CNTNAP2: variants seen among roughly 807,000 people sequenced by gnomAD.
The protein encoded by CNTNAP2 is contactin-associated protein-like 2.
In CNTNAP2, 98 loss-of-function variants were observed where a neutral mutation model predicts 155.2. The observed-to-expected ratio is 0.63, with a 90% CI of 0.54 to 0.75. CNTNAP2 has a LOEUF of 0.75. CNTNAP2 is among the 30% of genes least tolerant of loss of function. The pLI is 0.00. For synonymous variants in CNTNAP2, 651 were observed against 631.2 expected (o/e 1.03, Z -0.47); for missense variants, 1,727 against 1,688.1 (o/e 1.02, Z -0.40).
intron 3 of CNTNAP2, among the ~76,000 whole-genome samples, chr7:146,938,318 C>T (rs1796968272): frequency 6.6e-6 from 1 of 151,602 alleles, no homozygotes; most frequent in Non-Finnish European, 1.5e-5. Flanking sequence ...AGATACAGCG[C>T]TTTATATGTG....
At chr7:146,268,910 A>G (rs1800036233) in intron 1 of CNTNAP2, among the ~76,000 whole-genome samples, 1 of 152,238 alleles carries the variant, frequency 6.6e-6, no homozygotes, top group African/African-American at 2.4e-5. Flanking sequence ...TACACTGGAA[A>G]CAATAGCTGT....
In CNTNAP2 at chr7:146,509,711, G is replaced by A. The variant is rs184683930; in HGVS notation, c.98-264560G>A. 2.8e-4 allele frequency among the ~76,000 whole-genome samples: 43 copies of A among 152,140 alleles called. No homozygotes were observed. The South Asian group carries it at 6.6e-3, about 23-fold the overall frequency. ...ATTCTCACTCCAACCTGTGTACGTC[G>A]GCCTTCAGGCTCTCTGCTTGTGCCT... On this transcript the variant is annotated intron_variant, in intron 1 of 23. Transcript: ENST00000361727.
chr7:147,958,904 T>C (rs1364983502), intron 14 of CNTNAP2, among the ~76,000 whole-genome samples: 1 of 152,248 alleles, frequency 6.6e-6, no homozygotes, highest in South Asian at 2.1e-4. Context: ...TTGCAGTAAG[T>C]GTAGGGTGGA....
chr7:146,881,418 A>G (rs1309882646), intron 3 of CNTNAP2, among the ~76,000 whole-genome samples: 1 of 152,148 alleles, frequency 6.6e-6, no homozygotes, highest in African/African-American at 2.4e-5. Flanking sequence ...CCCAGACATC[A>G]TAAGAAGTCC....
intron 21 of CNTNAP2, among the ~76,000 whole-genome samples, chr7:148,280,937 A>T (rs1254290997): frequency 6.6e-6 from 1 of 151,760 alleles, no homozygotes; most frequent in Non-Finnish European, 1.5e-5. Flanking sequence ...AAGAAAAAAG[A>T]AAAGGAAAAG....
intron 11 of CNTNAP2, among the ~76,000 whole-genome samples, chr7:147,491,550 C>G (rs928340846): frequency 6.6e-6 from 1 of 152,234 alleles, no homozygotes. Context: ...CTCCACTGGT[C>G]TCTGCATCTC....
intron 1 of CNTNAP2, among the ~76,000 whole-genome samples, chr7:146,285,978 CTGTGTGTGTG>C (rs540809295): frequency 5.9e-5 from 2 of 33,698 alleles, no homozygotes; most frequent in Non-Finnish European, 9.4e-5. Flanking sequence ...CCTTCCTTCT[CTGTGTGTGTG>C]TGTGTGTGTG....
chr7:146,799,993 A>G (rs867801172), intron 2 of CNTNAP2, among the ~76,000 whole-genome samples: 5 of 152,000 alleles, frequency 3.3e-5, no homozygotes, highest in Admixed American at 1.3e-4. Context: ...ATGAAAATAT[A>G]TAATAACATA....
chr7:146,164,774 C>T (rs903497409), intron 1 of CNTNAP2, among the ~76,000 whole-genome samples: 1 of 151,986 alleles, frequency 6.6e-6, no homozygotes, highest in East Asian at 1.9e-4. Flanking sequence ...ATGCGTCATA[C>T]ATTTTAAACG....
At chr7:147,935,879 G>A (rs1800598328) in intron 14 of CNTNAP2, among the ~76,000 whole-genome samples, 1 of 152,112 alleles carries the variant, frequency 6.6e-6, no homozygotes, top group Admixed American at 6.5e-5. Flanking sequence ...ATGTTTATCT[G>A]GAAATAATGT....
chr7:147,571,897 CA>C (rs1469945392), intron 12 of CNTNAP2, among the ~76,000 whole-genome samples: 2 of 152,182 alleles, frequency 1.3e-5, no homozygotes, highest in Non-Finnish European at 2.9e-5. Flanking sequence ...ATGGTTAACC[CA>C]CTCAGAGAAT....
At chr7:147,067,285 G>A (rs866534575) in intron 4 of CNTNAP2, among the ~76,000 whole-genome samples, 126 of 72,618 alleles carry the variant, frequency 1.7e-3, no homozygotes, top group African/African-American at 6.4e-3. Flanking sequence ...GTGAGACTCC[G>A]TCTCAAAAAA....
At chr7:147,664,221 T>C (rs1239884671) in intron 13 of CNTNAP2, among the ~76,000 whole-genome samples, 1 of 152,228 alleles carries the variant, frequency 6.6e-6, no homozygotes, top group Non-Finnish European at 1.5e-5. Context: ...TGATAGAACG[T>C]ATAGTCAAGA....
chr7:146,465,629 C>T (rs1387715104), intron 1 of CNTNAP2, among the ~76,000 whole-genome samples: 1 of 152,156 alleles, frequency 6.6e-6, no homozygotes, highest in Non-Finnish European at 1.5e-5. Flanking sequence ...CACAAGATGG[C>T]TAAATGTTTA....
At chr7:148,091,272 CTTTA>C (rs1407684669) in intron 15 of CNTNAP2, among the ~76,000 whole-genome samples, 1 of 152,084 alleles carries the variant, frequency 6.6e-6, no homozygotes, top group Non-Finnish European at 1.5e-5. Context: ...TGTTAAATAC[CTTTA>C]TTTAGCCATT....
At chr7:147,797,139 T>C (rs1797909674) in intron 13 of CNTNAP2, among the ~76,000 whole-genome samples, 1 of 152,170 alleles carries the variant, frequency 6.6e-6, no homozygotes, top group Non-Finnish European at 1.5e-5. Context: ...AACTTACAAA[T>C]CACATTCTCC....
At chr7:146,980,423 G>A (rs1797992963) in intron 3 of CNTNAP2, among the ~76,000 whole-genome samples, 1 of 152,176 alleles carries the variant, frequency 6.6e-6, no homozygotes, top group Non-Finnish European at 1.5e-5. Context: ...AACAGTCCAG[G>A]TAATCTTGGT....
rs62481333 is a variant in CNTNAP2, at chr7:147,574,000, A to G, written c.1897+11743A>G. Among the ~76,000 whole-genome samples, 481 of 152,192 alleles carry G rather than the reference A, an allele frequency of 3.2e-3. 3 individuals carry two copies. The highest frequency in any genetic ancestry group is 0.017 in the Middle Eastern group (5 of 294). On this transcript the variant is annotated intron_variant, in intron 12 of 23. Transcript: ENST00000361727. ...CGTGACTTGGAATAGGTCAGTTTTC[A>G]TGTATTTGCTGGGTGTTCACTTTAA...
intron 1 of CNTNAP2, among the ~76,000 whole-genome samples, chr7:146,249,932 G>T (rs73455892): frequency 0.014 from 2,176 of 152,000 alleles, 52 homozygotes; most frequent in African/African-American, 0.049. Context: ...ACGTCTTAGG[G>T]CTCTATGCAG....
Sources: allele counts gnomAD v4.1 joint callset (sites outside exome capture counted in the v4.1 genomes callset), GRCh38; gene constraint gnomAD v4.1.1; transcripts MANE v1.5; gene names NCBI Gene and HGNC (gene_info 2026-07-23, HGNC 2026-07-21).